Variants in ITPR2 observed in about 807,000 individuals in gnomAD.
ITPR2 encodes the protein inositol 1,4,5-trisphosphate-gated calcium channel ITPR2.
In ITPR2, 207 loss-of-function variants were observed where a neutral mutation model predicts 317.1. That is an observed-to-expected ratio of 0.65 (90% CI 0.58 to 0.73). ITPR2 has a LOEUF of 0.73. ITPR2 is among the 30% of genes least tolerant of loss of function. The pLI, the probability that ITPR2 is intolerant of heterozygous loss-of-function variation, is 0.00. For missense variants in ITPR2, 2,613 were observed against 3,284.0 expected (o/e 0.80, Z 4.99); for synonymous variants, 1,156 against 1,149.1 (o/e 1.01, Z -0.12).
At chr12:26,543,797 C>T (rs998034801) in intron 37 of ITPR2, among the ~76,000 whole-genome samples, 1 of 152,068 alleles carries the variant, frequency 6.6e-6, no homozygotes, top group African/African-American at 2.4e-5. Flanking sequence ...CACTGCCCTC[C>T]AGCCATTTTG....
chr12:26,550,996 A>C (rs1005534610), intron 36 of ITPR2, among the ~76,000 whole-genome samples: 4 of 152,216 alleles, frequency 2.6e-5, no homozygotes, highest in Admixed American at 2.6e-4. Flanking sequence ...TACACTGTGC[A>C]CTGGTGCTCC....
intron 45 of ITPR2, among the ~76,000 whole-genome samples, chr12:26,450,847 A>G (rs1941721978): frequency 6.6e-6 from 1 of 151,860 alleles, no homozygotes; most frequent in South Asian, 2.1e-4. Context: ...GTGGAGGGGG[A>G]GGGGAAAGTC....
intron 34 of ITPR2, among the ~76,000 whole-genome samples, chr12:26,569,534 G>A (rs1351953730): frequency 7.3e-6 from 1 of 136,278 alleles, no homozygotes; most frequent in Admixed American, 7.7e-5. Context: ...CACCCTGGGC[G>A]ACAGAGCAAG....
At chr12:26,346,939 G>A (rs1035704520) in intron 55 of ITPR2, among the ~76,000 whole-genome samples, 2 of 152,062 alleles carry the variant, frequency 1.3e-5, no homozygotes, top group African/African-American at 4.8e-5. Flanking sequence ...GTTGAGAGAA[G>A]ATTGAGCTTG....
intron 45 of ITPR2, among the ~76,000 whole-genome samples, chr12:26,473,275 C>T (rs1039221013): frequency 6.6e-6 from 1 of 152,140 alleles, no homozygotes; most frequent in Admixed American, 6.5e-5. Context: ...CACTGTTACC[C>T]CTAAGACACT....
At chr12:26,687,739 C>T (rs145742753) in intron 10 of ITPR2, among the ~76,000 whole-genome samples, 22 of 152,230 alleles carry the variant, frequency 1.4e-4, no homozygotes, top group Admixed American at 3.3e-4. Context: ...GAACTGCCAG[C>T]GTTCCTAAAC....
intron 20 of ITPR2, 135 bp from the exon 21 acceptor site, chr12:26,654,261 T>G (rs970122276): frequency 2.6e-5 from 17 of 658,380 alleles, no homozygotes; most frequent in Non-Finnish European, 3.4e-5. Flanking sequence ...CTTTAACACC[T>G]AGGAATTAAA....
intron 11 of ITPR2, 136 bp downstream of exon 11, chr12:26,686,344 TA>T: frequency 2.0e-6 from 1 of 500,534 alleles, no homozygotes; most frequent in Non-Finnish European, 3.3e-6. Flanking sequence ...ACAGAAGAGA[TA>T]CAATGTTTTA....
chr12:26,498,318 T>A (rs1376167023), intron 37 of ITPR2, among the ~76,000 whole-genome samples: 1 of 152,166 alleles, frequency 6.6e-6, no homozygotes, highest in African/African-American at 2.4e-5. Flanking sequence ...AGAAGAAACA[T>A]AAGACATGAA....
At chr12:26,672,250 G>T (rs11048637) in intron 13 of ITPR2, among the ~76,000 whole-genome samples, 81,088 of 147,264 alleles carry the variant, frequency 0.55, 22,618 homozygotes, top group East Asian at 0.64. Flanking sequence ...AATATACATT[G>T]TTTTCAGCAC....
intron 10 of ITPR2, among the ~76,000 whole-genome samples, chr12:26,691,676 A>C (rs1015168649): frequency 6.6e-6 from 1 of 152,132 alleles, no homozygotes. Flanking sequence ...TCCGCACAGC[A>C]GTCAGCCCCT....
chr12:26,591,037 AC>A (rs1055147952), intron 32 of ITPR2, among the ~76,000 whole-genome samples: 57 of 136,730 alleles, frequency 4.2e-4, no homozygotes, highest in African/African-American at 1.4e-3. Flanking sequence ...CTGAGATAGC[AC>A]CACCGCACTC....
intron 37 of ITPR2, among the ~76,000 whole-genome samples, chr12:26,532,384 A>AT (rs1393518269): frequency 1.3e-5 from 2 of 152,116 alleles, no homozygotes; most frequent in African/African-American, 2.4e-5. Flanking sequence ...TCAATGAAAT[A>AT]TTTTTTCTTT....
chr12:26,636,355 C>G (rs954109627), intron 21 of ITPR2, among the ~76,000 whole-genome samples: 7 of 152,234 alleles, frequency 4.6e-5, no homozygotes, highest in Admixed American at 4.6e-4. Flanking sequence ...TATTGCAGTC[C>G]CCCTCTCCAA....
chr12:26,563,382 C>T (rs979706822), intron 34 of ITPR2, among the ~76,000 whole-genome samples: 6 of 152,176 alleles, frequency 3.9e-5, no homozygotes, highest in African/African-American at 1.4e-4. Context: ...CCATCCTGGC[C>T]AACATGGTGA....
Position 26,403,837 on chromosome 12 carries a change from T to A in ITPR2, c.7400-3579A>T, listed in dbSNP as rs989967052. Among the ~76,000 whole-genome samples, 7 of 152,006 alleles carry A rather than the reference T, an allele frequency of 4.6e-5. No homozygotes were observed. The East Asian group carries it at 1.4e-3, about 29-fold the overall frequency. ...ACAGAAAGCCCCAGAGGTAGAAAAA[T>A]GTATGCTTGTACGATGAACAGCAAA... On this transcript the variant is annotated intron_variant, in intron 52 of 56. Coordinates refer to ENST00000381340, the MANE Select transcript of ITPR2 (RefSeq NM_002223.4).
intron 55 of ITPR2, among the ~76,000 whole-genome samples, chr12:26,342,285 C>T (rs910361137): frequency 6.6e-6 from 1 of 152,110 alleles, no homozygotes; most frequent in Non-Finnish European, 1.5e-5. Flanking sequence ...GTGCTAAATG[C>T]TCTTTAAGCA....
At chr12:26,438,793 G>A (rs569643080) in intron 47 of ITPR2, among the ~76,000 whole-genome samples, 1 of 152,252 alleles carries the variant, frequency 6.6e-6, no homozygotes, top group African/African-American at 2.4e-5. Context: ...TCACTGATAG[G>A]CCAGTCAGGG....
chr12:26,342,889 G>A (rs1316671344), intron 55 of ITPR2, among the ~76,000 whole-genome samples: 2 of 151,942 alleles, frequency 1.3e-5, no homozygotes, highest in Non-Finnish European at 2.9e-5. Flanking sequence ...GATTACAGGC[G>A]TGAGCCACCA....
Sources: allele counts gnomAD v4.1 joint callset (sites outside exome capture counted in the v4.1 genomes callset), GRCh38; gene constraint gnomAD v4.1.1; transcripts MANE v1.5; gene names NCBI Gene and HGNC (gene_info 2026-07-23, HGNC 2026-07-21).